EPB41: variants seen among roughly 807,000 people sequenced by gnomAD.
The protein encoded by EPB41 is erythrocyte membrane protein band 4.1, also known as protein 4.1.
In EPB41, 65 loss-of-function variants were observed where a neutral mutation model predicts 108.0. The observed-to-expected ratio is 0.60, with a 90% CI of 0.49 to 0.74. EPB41 has a LOEUF of 0.74. Ranked by LOEUF, EPB41 falls within the 30% of genes least tolerant of loss-of-function variation. The probability of loss-of-function intolerance (pLI) is 0.00; values close to 1 mark genes in which losing one functional copy is unlikely to be tolerated. For synonymous variants in EPB41, 336 were observed against 358.9 expected (o/e 0.94, Z 0.72); for missense variants, 875 against 1,037.0 (o/e 0.84, Z 2.15).
At chr1:29,003,073 A>G (rs2096330735) in intron 4 of EPB41, among the ~76,000 whole-genome samples, 1 of 152,186 alleles carries the variant, frequency 6.6e-6, no homozygotes, top group Non-Finnish European at 1.5e-5. Context: ...AGAAGCTTAG[A>G]CCAAAACAAT....
chr1:29,071,343 C>T (rs1255549570), intron 16 of EPB41: 1 of 152,154 alleles, frequency 6.6e-6, no homozygotes, highest in Non-Finnish European at 1.5e-5. Context: ...GCCCCTTAGC[C>T]TCCAGCCAGG....
intron 1 of EPB41, among the ~76,000 whole-genome samples, chr1:28,967,770 C>CT (rs888690683): frequency 4.1e-5 from 6 of 146,858 alleles, no homozygotes; most frequent in Non-Finnish European, 3.0e-5. Flanking sequence ...TGAACCCAGC[C>CT]TTTTTTTTCT....
chr1:28,887,699 G>A lies in EPB41; in HGVS notation c.-8+489G>A, dbSNP rs2089590557. 1 of 985,074 alleles carries A rather than the reference G, an allele frequency of 1.0e-6. No homozygotes were observed. The highest frequency in any genetic ancestry group is 4.7e-5 in the South Asian group (1 of 21,290). The allele number at this position is 985,074 out of a possible 1,614,324, so 61.0% of individuals were successfully genotyped here. ...CCCCGCGCCCCGCTCCGGCCCTTACGTAACTGACTTTGAGTTTCCGGACCC... is the reference window on the plus strand; with the variant it reads ...CCCCGCGCCCCGCTCCGGCCCTTACATAACTGACTTTGAGTTTCCGGACCC... On this transcript the variant is annotated intron_variant, in intron 1 of 16. Transcript: ENST00000347529. The surrounding 1 kb of genome is among the most constrained non-coding windows in gnomAD (Gnocchi z 4.9).
chr1:28,986,059 C>T, intron 1 of EPB41, among the ~76,000 whole-genome samples: 1 of 146,384 alleles, frequency 6.8e-6, no homozygotes, highest in South Asian at 2.2e-4. Flanking sequence ...CAATTCCCAC[C>T]TATGAGTGAG....
chr1:29,030,681 C>T (rs1012341371), intron 8 of EPB41, among the ~76,000 whole-genome samples, 194 bp downstream of exon 8: 2 of 151,730 alleles, frequency 1.3e-5, no homozygotes, highest in South Asian at 2.1e-4. Flanking sequence ...GAGGCTGAGG[C>T]GGGAGGATCA....
intron 12 of EPB41, among the ~76,000 whole-genome samples, chr1:29,057,237 A>G (rs1645640591): frequency 2.0e-5 from 3 of 151,828 alleles, no homozygotes; most frequent in Admixed American, 6.6e-5. Context: ...TTAGCCAGGC[A>G]TGGTGGCGGG....
At chr1:28,990,467 C>T (rs528679502) in intron 2 of EPB41, among the ~76,000 whole-genome samples, 26 of 151,242 alleles carry the variant, frequency 1.7e-4, no homozygotes, top group Non-Finnish European at 3.4e-4. Context: ...GTCACCCAGA[C>T]TAGAATACAG....
rs2150059464 is a variant in EPB41, at chr1:29,018,159, C to G, written c.906-65C>G. ...CCCTTTCTGTTTCTCCCCTTTTCTCCTTTTTCTCTCTTTATATTTTGTTGT... is the reference window on the plus strand; with the variant it reads ...CCCTTTCTGTTTCTCCCCTTTTCTCGTTTTTCTCTCTTTATATTTTGTTGT... On this transcript the variant is annotated intron_variant, in intron 6 of 20. Coordinates refer to ENST00000343067, the MANE Select transcript of EPB41 (RefSeq NM_001376013.1). This position sits in a 1 kb window ranked among gnomAD's most constrained non-coding sequence, Gnocchi z 4.4. The G allele has an allele frequency of 1.6e-5, 23 of 1,471,288 alleles. No homozygotes were observed. In the South Asian group the frequency reaches 2.5e-4, roughly 16 times the overall value. The allele number at this position is 1,471,288 out of a possible 1,614,324, so 91.1% of individuals were successfully genotyped here. A position where few individuals can be genotyped will look rare whatever the true frequency, so the allele number is the denominator to read the frequency against.
At chr1:28,984,648 T>C (rs1023414885) in intron 1 of EPB41, among the ~76,000 whole-genome samples, 1 of 150,150 alleles carries the variant, frequency 6.7e-6, no homozygotes, top group African/African-American at 2.5e-5. Flanking sequence ...TTCATTTTTT[T>C]AAAAAACTTA....
At position 29,009,064 on chromosome 1, in the gene EPB41, C is replaced by T. The variant is rs146504732; in HGVS notation, c.787-2801C>T. Among the ~76,000 whole-genome samples the T allele has an allele frequency of 5.4e-3, 825 of 152,204 alleles. 6 individuals are homozygous for T. Among genetic ancestry groups the T allele is most frequent in the Non-Finnish European group, 8.5e-3 (578 of 68,008 alleles). ...TATCATTGTAATTGTCACACCTCCT[C>T]GAACAAACTGATTGTTCTCTTTTTG... On this transcript the variant is annotated intron_variant, in intron 4 of 20. Coordinates refer to ENST00000343067, the MANE Select transcript of EPB41 (RefSeq NM_001376013.1).
At chr1:28,944,219 G>A (rs1301190809) in intron 1 of EPB41, among the ~76,000 whole-genome samples, 2 of 152,142 alleles carry the variant, frequency 1.3e-5, no homozygotes, top group South Asian at 2.1e-4. Context: ...AAAGAGTAGT[G>A]TGGAGGCGGG....
In EPB41 at chr1:28,887,270, A is replaced by G; in HGVS notation, c.-8+60A>G. 7.9e-7 allele frequency: 1 copy of G among 1,262,744 alleles called. No individual in the cohort carries two copies. The highest frequency in any genetic ancestry group is 1.0e-6 in the Non-Finnish European group (1 of 975,796). The allele number at this position is 1,262,744 out of a possible 1,614,324, so 78.2% of individuals were successfully genotyped here. A position where few individuals can be genotyped will look rare whatever the true frequency, so the allele number is the denominator to read the frequency against. On this transcript the variant is annotated intron_variant, in intron 1 of 16. Transcript: ENST00000347529. This position sits in a 1 kb window ranked among gnomAD's most constrained non-coding sequence, Gnocchi z 4.9. Reference sequence around the variant, plus strand: ...CCCCGGGAGGGACGGGGTTAGGGACAGAAGAACCTACCCCCAAGGGCTCGG... The same window carrying G: ...CCCCGGGAGGGACGGGGTTAGGGACGGAAGAACCTACCCCCAAGGGCTCGG...
At chr1:29,109,637 C>A in intron 18 of EPB41, 200 bp downstream of exon 18, 1 of 625,176 alleles carries the variant, frequency 1.6e-6, no homozygotes, top group Non-Finnish European at 2.9e-6. Context: ...CTGAGAGTAT[C>A]CCTGCCTACT....
At chr1:29,021,647 A>T (rs945130199) in intron 7 of EPB41, among the ~76,000 whole-genome samples, 2 of 147,132 alleles carry the variant, frequency 1.4e-5, no homozygotes, top group Non-Finnish European at 3.0e-5. Context: ...CAGTGGGGTG[A>T]TCTCCGCTCA....
intron 1 of EPB41, among the ~76,000 whole-genome samples, chr1:28,964,403 C>T (rs1185665698): frequency 1.3e-5 from 2 of 151,972 alleles, no homozygotes; most frequent in Non-Finnish European, 2.9e-5. Context: ...GATCATGCCA[C>T]TGCACTCCAG....
At chr1:29,026,148 G>A (rs2096715944) in intron 7 of EPB41, among the ~76,000 whole-genome samples, 1 of 152,148 alleles carries the variant, frequency 6.6e-6, no homozygotes, top group African/African-American at 2.4e-5. Flanking sequence ...GTAGAGTGAG[G>A]AGGACATCCA....
In EPB41 at chr1:28,962,507, A is replaced by G. The variant is rs184520339; in HGVS notation, c.-7-24924A>G. On this transcript the variant is annotated intron_variant, in intron 1 of 20. Transcript: ENST00000343067. ...ATTCAAAAGTTGTGCCACTATCACT[A>G]CTATCTTATTCCAGCACATTTTTGT... Among the ~76,000 whole-genome samples, 21 of 152,278 alleles carry G rather than the reference A, an allele frequency of 1.4e-4. No homozygotes were observed. In the East Asian group the frequency reaches 3.1e-3, roughly 22 times the overall value.
At chr1:28,927,298 T>TA (rs1445867558) in intron 1 of EPB41, among the ~76,000 whole-genome samples, 4 of 152,196 alleles carry the variant, frequency 2.6e-5, no homozygotes, top group Admixed American at 1.3e-4. Flanking sequence ...GAGAAGCGCA[T>TA]ATTGTGTTCC....
chr1:29,102,597 A>G (rs1445266203), intron 17 of EPB41, among the ~76,000 whole-genome samples: 5 of 151,768 alleles, frequency 3.3e-5, no homozygotes, highest in Non-Finnish European at 7.4e-5. Context: ...TATTATTATT[A>G]TTATTATTTA....
Sources: gnomAD v4.1 joint callset for allele counts (sites outside exome capture counted in the v4.1 genomes callset) on GRCh38, gnomAD v4.1.1 for gene constraint, Gnocchi (gnomAD v3.1) non-coding constraint, MANE v1.5 for transcripts, NCBI Gene and HGNC (gene_info 2026-07-23, HGNC 2026-07-21) for gene names.